Variants in AGBL1 observed in about 807,000 individuals in gnomAD.
AGBL1 encodes cytosolic carboxypeptidase 4.
AGBL1 carries 130 observed loss-of-function variants against 118.9 expected under a neutral mutation model. That is an observed-to-expected ratio of 1.09 (90% CI 0.95 to 1.26). The LOEUF is 1.26. AGBL1 is among the 50% of genes most tolerant of loss of function. The pLI, the probability that AGBL1 is intolerant of heterozygous loss-of-function variation, is 0.00. For synonymous variants in AGBL1, 555 were observed against 478.9 expected (o/e 1.16, Z -2.08); for missense variants, 1,584 against 1,298.1 (o/e 1.22, Z -3.38).
intron 22 of AGBL1, among the ~76,000 whole-genome samples, chr15:86,744,554 A>C (rs539941470): frequency 2.3e-4 from 35 of 152,246 alleles, no homozygotes; most frequent in African/African-American, 8.2e-4. Context: ...CAAGACCATC[A>C]ATTCCGAAAG....
chr15:86,113,633 C>A (rs1434114886), intron 1 of AGBL1, among the ~76,000 whole-genome samples: 1 of 152,134 alleles, frequency 6.6e-6, no homozygotes, highest in African/African-American at 2.4e-5. Context: ...ATTTGAGTAG[C>A]TGCATTACCA....
chr15:86,184,190 T>C (rs888419454), intron 5 of AGBL1, among the ~76,000 whole-genome samples: 2 of 152,256 alleles, frequency 1.3e-5, no homozygotes, highest in Non-Finnish European at 2.9e-5. Context: ...TATTGACTTC[T>C]TAAATTTTGT....
chr15:86,881,864 TAAAC>T (rs976371948), intron 22 of AGBL1, among the ~76,000 whole-genome samples: 7 of 152,102 alleles, frequency 4.6e-5, no homozygotes, highest in Admixed American at 4.6e-4. Flanking sequence ...TACTTTTAAA[TAAAC>T]AGATCTCATG....
intron 23 of AGBL1, among the ~76,000 whole-genome samples, chr15:86,963,806 T>C (rs1440328868): frequency 6.6e-6 from 1 of 151,972 alleles, no homozygotes; most frequent in Non-Finnish European, 1.5e-5. Context: ...CTGAAGGCAG[T>C]AGCTTCCTAG....
At chr15:86,221,680 T>C (rs1451896458) in intron 5 of AGBL1, among the ~76,000 whole-genome samples, 1 of 152,202 alleles carries the variant, frequency 6.6e-6, no homozygotes, top group Non-Finnish European at 1.5e-5. Context: ...GTTTGCTCAT[T>C]AGTTGATTTC....
intron 23 of AGBL1, among the ~76,000 whole-genome samples, chr15:86,940,050 T>C (rs1342849208): frequency 6.8e-6 from 1 of 147,840 alleles, no homozygotes; most frequent in Non-Finnish European, 1.5e-5. Flanking sequence ...CTCAGCTAAT[T>C]TTGGTAGTCC....
chr15:86,376,750 A>G (rs2081045552), intron 17 of AGBL1, among the ~76,000 whole-genome samples: 1 of 152,210 alleles, frequency 6.6e-6, no homozygotes, highest in Admixed American at 6.5e-5. Context: ...TCTCATCTTA[A>G]GTCACATTGT....
intron 23 of AGBL1, among the ~76,000 whole-genome samples, chr15:86,942,016 A>C (rs993202048): frequency 6.6e-6 from 1 of 152,190 alleles, no homozygotes; most frequent in African/African-American, 2.4e-5. Context: ...CAGGCATCCA[A>C]CTCGAACCAG....
downstream of AGBL1, among the ~76,000 whole-genome samples, chr15:87,030,414 C>G (rs1237329304): frequency 1.3e-5 from 2 of 151,894 alleles, no homozygotes; most frequent in Admixed American, 1.3e-4. Context: ...GTAAGTATTT[C>G]TTATTGAACA....
chr15:86,101,904 T>C (rs540413046), intron 1 of AGBL1, among the ~76,000 whole-genome samples: 51 of 152,344 alleles, frequency 3.3e-4, no homozygotes, highest in African/African-American at 1.2e-3. Flanking sequence ...CTTATTCCTG[T>C]CATTTTATGA....
chr15:86,382,489 G>A (rs980201273), intron 17 of AGBL1, among the ~76,000 whole-genome samples: 1 of 151,978 alleles, frequency 6.6e-6, no homozygotes, highest in East Asian at 1.9e-4. Flanking sequence ...TTGTTGCCCA[G>A]TCATCTGTAA....
intron 21 of AGBL1, among the ~76,000 whole-genome samples, chr15:86,651,354 T>C (rs537390774): frequency 3.7e-4 from 57 of 152,302 alleles, no homozygotes; most frequent in Non-Finnish European, 4.4e-4. Flanking sequence ...AGGCTCATGC[T>C]GAAAGGAAAG....
chr15:86,971,652 G>A (rs1433448), intron 23 of AGBL1, among the ~76,000 whole-genome samples: 70,944 of 151,736 alleles, frequency 0.47, 17,250 homozygotes, highest in Non-Finnish European at 0.54. Flanking sequence ...TCTTATTTGC[G>A]TAACTTAAAT....
intron 17 of AGBL1, among the ~76,000 whole-genome samples, chr15:86,328,613 A>T (rs991708487): frequency 6.6e-6 from 1 of 152,162 alleles, no homozygotes; most frequent in Admixed American, 6.5e-5. Context: ...AATCCCGAGG[A>T]GGAGAATGTG....
chr15:86,277,043 C>G (rs2079264048), intron 15 of AGBL1, among the ~76,000 whole-genome samples: 1 of 152,128 alleles, frequency 6.6e-6, no homozygotes, highest in South Asian at 2.1e-4. Flanking sequence ...AGTGGGGATG[C>G]CTGACATTTG....
At chr15:86,446,403 A>G (rs2082121672) in intron 18 of AGBL1, among the ~76,000 whole-genome samples, 1 of 152,222 alleles carries the variant, frequency 6.6e-6, no homozygotes, top group South Asian at 2.1e-4. Context: ...CTGCAACTTC[A>G]TTGGCATAGC....
intron 19 of AGBL1, among the ~76,000 whole-genome samples, chr15:86,526,049 G>T (rs909807597): frequency 1.3e-5 from 2 of 152,078 alleles, no homozygotes; most frequent in Non-Finnish European, 2.9e-5. Flanking sequence ...TTAAAATGTG[G>T]TTAAATGACG....
intron 17 of AGBL1, among the ~76,000 whole-genome samples, chr15:86,359,361 G>A (rs2080767547): frequency 8.5e-6 from 1 of 117,346 alleles, no homozygotes; most frequent in Non-Finnish European, 1.8e-5. Context: ...GCTCTCTGTT[G>A]TATTCTATTT....
chr15:86,193,517 C>T (rs1318745675), intron 5 of AGBL1, among the ~76,000 whole-genome samples: 1 of 152,110 alleles, frequency 6.6e-6, no homozygotes, highest in African/African-American at 2.4e-5. Flanking sequence ...GAGATGAAAC[C>T]ACCTCTCCAC....
Sources: gnomAD v4.1 joint callset for allele counts (sites outside exome capture counted in the v4.1 genomes callset) on GRCh38, gnomAD v4.1.1 for gene constraint, MANE v1.5 for transcripts, NCBI Gene and HGNC (gene_info 2026-07-23, HGNC 2026-07-21) for gene names.